DMD: variants seen among roughly 807,000 people sequenced by gnomAD.
The protein encoded by DMD is mutant dystrophin.
Under a neutral mutation model 330.1 loss-of-function variants are expected in DMD, and 63 were observed. That is an observed-to-expected ratio of 0.19 (90% CI 0.16 to 0.24). The LOEUF (loss-of-function observed/expected upper bound fraction) is 0.24, where lower values mean the gene tolerates loss of function less well. DMD is among the 10% of genes least tolerant of loss of function. The pLI, the probability that DMD is intolerant of heterozygous loss-of-function variation, is 1.00. For missense variants in DMD, 3,344 were observed against 2,684.1 expected (o/e 1.25, Z -5.43); for synonymous variants, 1,223 against 959.8 (o/e 1.27, Z -5.07).
intron 2 of DMD, among the ~76,000 whole-genome samples, chrX:32,961,954 C>T (rs2091915719): frequency 2.7e-5 from 3 of 111,467 alleles, no homozygotes; most frequent in Non-Finnish European, 1.9e-5. Context: ...CATTTTAGAC[C>T]GAAACTTCAG....
intron 43 of DMD, among the ~76,000 whole-genome samples, chrX:32,228,377 C>G (rs928094266): frequency 9.0e-6 from 1 of 111,196 alleles, no homozygotes; most frequent in Non-Finnish European, 1.9e-5. Context: ...GTGTACTATT[C>G]CTGCACTGCT....
intron 4 of DMD, among the ~76,000 whole-genome samples, chrX:32,833,559 C>A (rs1390651384): frequency 9.2e-6 from 1 of 108,921 alleles, no homozygotes; most frequent in Non-Finnish European, 1.9e-5. Context: ...TATATACTTT[C>A]AGTATATTAT....
chrX:31,153,159 T>TAG (rs1324892675), intron 74 of DMD, among the ~76,000 whole-genome samples: 1 of 111,599 alleles, frequency 9.0e-6, no homozygotes, highest in Non-Finnish European at 1.9e-5. Context: ...TGCCAGGCAG[T>TAG]AGGTAGATTG....
intron 60 of DMD, among the ~76,000 whole-genome samples, chrX:31,410,144 G>A (rs1406849255): frequency 4.5e-5 from 5 of 112,307 alleles, no homozygotes; most frequent in Non-Finnish European, 9.4e-5. Flanking sequence ...AAAGCGGCAT[G>A]CATCTTTAAC....
chrX:33,133,507 A>G lies in DMD; in HGVS notation c.31+77775T>C, dbSNP rs73455857. 7.4e-3 allele frequency among the ~76,000 whole-genome samples: 827 copies of G among 111,300 alleles called. 10 individuals are homozygous for G. Among genetic ancestry groups the G allele is most frequent in the African/African-American group, 0.026 (789 of 30,724 alleles). On this transcript the variant is annotated intron_variant, in intron 1 of 78. Coordinates refer to ENST00000357033, the MANE Select transcript of DMD (RefSeq NM_004006.3). ...GACCAGCTTGTAAACACATTACCCA[A>G]TAAAGTACCTTACAGTGCAAGCAGG...
intron 55 of DMD, among the ~76,000 whole-genome samples, chrX:31,516,173 G>A (rs1045799160): frequency 5.5e-5 from 6 of 109,111 alleles, no homozygotes; most frequent in South Asian, 7.9e-4. Context: ...AAAAAGCATC[G>A]GCTTAAATTT....
At chrX:32,667,974 T>TA (rs1310366531) in intron 9 of DMD, among the ~76,000 whole-genome samples, 1 of 92,324 alleles carries the variant, frequency 1.1e-5, no homozygotes, top group African/African-American at 6.4e-5. Context: ...ACCTTGTCAC[T>TA]ATTTAAAAAA....
intron 74 of DMD, among the ~76,000 whole-genome samples, chrX:31,152,371 G>A (rs1328648583): frequency 9.1e-6 from 1 of 110,129 alleles, no homozygotes; most frequent in Admixed American, 9.6e-5. Context: ...ACCATGTTGG[G>A]CAGGCTGTTC....
chrX:31,262,173 G>A (rs2050589311), intron 62 of DMD, among the ~76,000 whole-genome samples: 1 of 112,405 alleles, frequency 8.9e-6, no homozygotes, highest in Non-Finnish European at 1.9e-5. Context: ...AGTTGAAATA[G>A]GTAAGTGACC....
intron 44 of DMD, among the ~76,000 whole-genome samples, chrX:32,065,538 C>G (rs1237420410): frequency 8.9e-6 from 1 of 111,918 alleles, no homozygotes; most frequent in Non-Finnish European, 1.9e-5. Flanking sequence ...ATTCTAATAT[C>G]AACATATCCT....
At chrX:32,973,135 T>A (rs915678325) in intron 2 of DMD, among the ~76,000 whole-genome samples, 1 of 112,357 alleles carries the variant, frequency 8.9e-6, no homozygotes, top group African/African-American at 3.2e-5. Context: ...CTTCCAAATG[T>A]CAACTATATG....
intron 11 of DMD, among the ~76,000 whole-genome samples, chrX:32,636,332 C>G (rs1477668481): frequency 1.8e-5 from 2 of 111,891 alleles, no homozygotes; most frequent in African/African-American, 6.5e-5. Context: ...CTTTAAATTA[C>G]AACCTCACAG....
chrX:33,284,327 A>G (rs2053393074), intron 1 of DMD, among the ~76,000 whole-genome samples: 1 of 111,104 alleles, frequency 9.0e-6, no homozygotes, highest in South Asian at 3.8e-4. Context: ...TGATAGAGCA[A>G]TCAGGTTTTT....
intron 2 of DMD, among the ~76,000 whole-genome samples, chrX:32,894,886 C>T (rs1194674622): frequency 8.9e-6 from 1 of 112,394 alleles, no homozygotes; most frequent in Admixed American, 9.4e-5. Flanking sequence ...AAGTGTCTTA[C>T]TCATTTCAGC....
chrX:32,484,817 C>T, intron 21 of DMD, 102 bp downstream of exon 21: 1 of 855,141 alleles, frequency 1.2e-6, no homozygotes, highest in Non-Finnish European at 1.7e-6. Context: ...GAGAATGGTT[C>T]CATTTACAGA....
chrX:31,997,802 T>C (rs2095598972), intron 44 of DMD, among the ~76,000 whole-genome samples: 1 of 111,724 alleles, frequency 9.0e-6, no homozygotes, highest in Non-Finnish European at 1.9e-5. Context: ...AGTAGATGTA[T>C]ATTCTTCCTG....
At chrX:32,872,860 T>A (rs1347412740) in intron 2 of DMD, among the ~76,000 whole-genome samples, 1 of 111,536 alleles carries the variant, frequency 9.0e-6, no homozygotes, top group African/African-American at 3.3e-5. Flanking sequence ...TATAAAGATC[T>A]CTATGGCTCC....
At chrX:31,262,220 T>C (rs112061389) in intron 62 of DMD, among the ~76,000 whole-genome samples, 1,293 of 112,226 alleles carry the variant, frequency 0.012, 16 homozygotes, top group African/African-American at 0.039. Context: ...TCGCTTTTGG[T>C]ATCATGTGCC....
chrX:32,489,417 G>A (rs2148618455), intron 20 of DMD, among the ~76,000 whole-genome samples: 1 of 110,680 alleles, frequency 9.0e-6, no homozygotes, highest in Non-Finnish European at 1.9e-5. Context: ...GAGAGAGAAA[G>A]AAAAATAGCC....
Sources: gnomAD v4.1 joint callset for allele counts (sites outside exome capture counted in the v4.1 genomes callset) on GRCh38, gnomAD v4.1.1 for gene constraint, MANE v1.5 for transcripts, NCBI Gene and HGNC (gene_info 2026-07-23, HGNC 2026-07-21) for gene names.